The following TOP1MT variants were observed in gnomAD, a reference collection of about 807,000 sequenced individuals.
The protein encoded by TOP1MT is DNA topoisomerase I, mitochondrial.
Under a neutral mutation model 73.9 loss-of-function variants are expected in TOP1MT, and 80 were observed. That is an observed-to-expected ratio of 1.08 (90% confidence interval 0.90 to 1.30). TOP1MT has a LOEUF of 1.30. Ranked by LOEUF, TOP1MT falls within the 50% of genes most tolerant of loss-of-function variation. TOP1MT has a pLI of 0.00. For missense variants in TOP1MT, 815 were observed against 808.0 expected, an observed-to-expected ratio of 1.01 and a Z score of -0.10; for synonymous variants, 338 against 326.4, an observed-to-expected ratio of 1.04 and a Z score of -0.38.
In TOP1MT at chr8:143,341,265, C is replaced by T. The variant is rs1586779421; in HGVS notation, c.29+1955G>A. On this transcript the variant is annotated intron_variant, in intron 2 of 5. Coordinates refer to the TOP1MT transcript ENST00000518007. The surrounding 1 kb of genome is among the most constrained non-coding windows in gnomAD (Gnocchi z 4.1). ...CCTCTCTTCCACACAGCCCTTGCCC[C>T]GGCCAGTGTCTGTGAGCTCACAGTC... is the stretch of plus-strand genomic sequence containing the variant. Among the ~76,000 whole-genome samples, 2 of 152,158 alleles carry T rather than the reference C, an allele frequency of 1.3e-5. No homozygotes were observed. The highest frequency in any genetic ancestry group is 2.4e-5 in the African/African-American group (1 of 41,430).
intron 1 of TOP1MT, chr8:143,334,173 C>T (rs1816930090): frequency 6.6e-6 from 1 of 152,378 alleles, no homozygotes; most frequent in Admixed American, 6.5e-5. Flanking sequence ...GACCCATCCC[C>T]ATGCGGCTAC....
At chr8:143,313,344 A>C (rs1023494822) in intron 12 of TOP1MT, among the ~76,000 whole-genome samples, 1 of 151,984 alleles carries the variant, frequency 6.6e-6, no homozygotes, top group Admixed American at 6.6e-5. Context: ...CGAGGTCAGG[A>C]GTTCAAGACC....
intron 1 of TOP1MT, among the ~76,000 whole-genome samples, chr8:143,332,059 G>C (rs369761529): frequency 2.6e-5 from 4 of 151,894 alleles, no homozygotes; most frequent in Non-Finnish European, 5.9e-5. Flanking sequence ...CTGGAGATTG[G>C]GGGGGTGTTG....
At chr8:143,359,309 G>A (rs1817463910), upstream of TOP1MT, 1 of 985,284 alleles carries the variant, frequency 1.0e-6, no homozygotes, top group Non-Finnish European at 1.2e-6. Context: ...CCAGGAGAAG[G>A]GAGGCAGGTC....
At chr8:143,322,057 G>T (rs1451987877) in intron 7 of TOP1MT, among the ~76,000 whole-genome samples, 3 of 52,610 alleles carry the variant, frequency 5.7e-5, no homozygotes, top group African/African-American at 6.8e-5. Flanking sequence ...CACACACACA[G>T]GCACGCCACA....
chr8:143,323,958 A>C (rs1563761857), intron 7 of TOP1MT, 41 bp downstream of exon 7: 2 of 1,606,128 alleles, frequency 1.2e-6, no homozygotes, highest in African/African-American at 1.3e-5. Flanking sequence ...CGCCAGGAGA[A>C]CCAGGATGAA....
chr8:143,335,812 C>A (rs1013125463), upstream of TOP1MT, among the ~76,000 whole-genome samples: 14 of 152,256 alleles, frequency 9.2e-5, no homozygotes, highest in Non-Finnish European at 7.3e-5. Flanking sequence ...ACGCCCTCAG[C>A]GACCCTCCCC....
intron 7 of TOP1MT, among the ~76,000 whole-genome samples, chr8:143,323,221 ACGC>A (rs1816575390): frequency 1.7e-5 from 2 of 118,210 alleles, no homozygotes; most frequent in African/African-American, 6.8e-5. Flanking sequence ...CCACACAGGC[ACGC>A]CACACACAGG....
intron 10 of TOP1MT, 106 bp from the exon 11 acceptor site, chr8:143,316,232 C>A (rs1816160038): frequency 2.0e-6 from 3 of 1,535,646 alleles, no homozygotes; most frequent in Non-Finnish European, 2.7e-6. Flanking sequence ...CTTCCACTCA[C>A]ACAGGCACCC....
chr8:143,337,804 C>T (rs1054208538), upstream of TOP1MT, among the ~76,000 whole-genome samples: 2 of 152,192 alleles, frequency 1.3e-5, no homozygotes, highest in South Asian at 2.1e-4. Context: ...AACAGCCCGG[C>T]GCCACACCCC....
At chr8:143,334,598 G>A in intron 1 of TOP1MT, 142 bp downstream of exon 1, 1 of 1,210,278 alleles carries the variant, frequency 8.3e-7, no homozygotes, top group East Asian at 3.0e-5. Context: ...GTCACACCGC[G>A]GCACGCATGC....
chr8:143,336,539 A>C (rs568600558), upstream of TOP1MT, among the ~76,000 whole-genome samples: 3 of 152,198 alleles, frequency 2.0e-5, no homozygotes, highest in African/African-American at 7.2e-5. Flanking sequence ...GAGGATGTCC[A>C]CTCTCACCAC....
In TOP1MT at chr8:143,321,614, G is replaced by A. The variant is rs1453365091; in HGVS notation, c.961-228C>T. 5.6e-4 allele frequency among the ~76,000 whole-genome samples: 25 copies of A among 44,430 alleles called. 1 individual carries two copies. Among genetic ancestry groups the A allele is most frequent in the Non-Finnish European group, 8.3e-4 (22 of 26,460 alleles). 29.1% of individuals were successfully genotyped at this position (44,430 alleles called of 152,430 possible). A position where few individuals can be genotyped will look rare whatever the true frequency, so the allele number is the denominator to read the frequency against. ...ACGCACGCACGCCACACGCACGCACGCCACACGCACGCCACACACAGGCAC... is the reference window on the plus strand; with the variant it reads ...ACGCACGCACGCCACACGCACGCACACCACACGCACGCCACACACAGGCAC... On this transcript the variant is annotated intron_variant, in intron 7 of 13. Transcript: ENST00000329245.
rs1437913282 is a variant in TOP1MT, at chr8:143,316,128, TGA to T, written c.1331-4_1331-3del. 1 of 1,613,950 alleles carries T rather than the reference TGA, an allele frequency of 6.2e-7. No homozygotes were observed. The highest frequency in any genetic ancestry group is 1.3e-5 in the African/African-American group (1 of 74,934). The stretch of plus-strand genomic sequence containing the variant: ...TCTTAGCTGCTATGCTGTCCTCGGC[TGA>T]GAGGCACGGGCTGTCAGAGGCAGCA... On this transcript the variant is annotated splice_region_variant and splice_polypyrimidine_tract_variant and intron_variant, in intron 10 of 13. Coordinates refer to ENST00000329245, the MANE Select transcript of TOP1MT (RefSeq NM_052963.3).
chr8:143,342,461 C>T lies in TOP1MT; in HGVS notation c.29+759G>A, dbSNP rs543854734. Among the ~76,000 whole-genome samples the T allele has an allele frequency of 1.1e-3, 143 of 127,150 alleles. 1 individual carries two copies. Among genetic ancestry groups the T allele is most frequent in the Middle Eastern group, 5.6e-3 (1 of 180 alleles). The allele number at this position is 127,150 out of a possible 152,430, so 83.4% of individuals were successfully genotyped here. On this transcript the variant is annotated intron_variant, in intron 2 of 5. Coordinates refer to the TOP1MT transcript ENST00000518007. ...ATTATTATTATTAGAGACAGAGTCT[C>T]GCTCTGTTATTATTATTATTATTAG...
rs1456877673 is a variant in TOP1MT, at chr8:143,312,676, T to C, written c.1554-2459A>G. Among the ~76,000 whole-genome samples, 3 of 152,218 alleles carry C rather than the reference T, an allele frequency of 2.0e-5. No individual in the cohort carries two copies. The East Asian group carries it at 5.8e-4, about 29-fold the overall frequency. ...GGAACAAGGCAAGGCTGCCCACTCA[T>C]GTCCAGTGTACTGGAGATTCCTGCC... On this transcript the variant is annotated intron_variant, in intron 12 of 13. Transcript: ENST00000329245.
intron 1 of TOP1MT, chr8:143,334,388 T>C (rs552855978): frequency 1.4e-5 from 3 of 211,292 alleles, no homozygotes; most frequent in East Asian, 1.3e-4. Context: ...CAGAAGACCA[T>C]GCACAGCAAC....
At position 143,315,820 on chromosome 8, in the gene TOP1MT, A is replaced by T; in HGVS notation, c.1460T>A (p.Ile487Asn). Reference protein sequence around the residue: ...EKSMQNLQTKIQAKKEQVAEA... With the variant: ...EKSMQNLQTKNQAKKEQVAEA... ...AGCCACCTGCTCCTTCTTTGCCTGG[A>T]TCTGCAGGAAAAGGGTCCAGACAGG... The change falls in exon 12 of 14, where the codon ATC (isoleucine) becomes AAC (asparagine). Residue 487 changes from isoleucine (I) to asparagine (N), a missense_variant and splice_region_variant. Ile to Asn is a moderately radical substitution (Grantham distance 149). Around this residue, in one of 3 missense-constraint regions of TOP1MT, gnomAD observed 751 missense variants for 725.4 expected, o/e 1.04. Transcript: ENST00000329245. 6.2e-7 allele frequency: 1 copy of T among 1,613,276 alleles called. No individual in the cohort carries two copies. Among genetic ancestry groups the T allele is most frequent in the Non-Finnish European group, 8.5e-7 (1 of 1,179,984 alleles).
chr8:143,314,895 A>G (rs57383258), intron 12 of TOP1MT, among the ~76,000 whole-genome samples: 11,942 of 152,312 alleles, frequency 0.078, 558 homozygotes, highest in Non-Finnish European at 0.11. Flanking sequence ...AAACCAGGCC[A>G]TACAGAGATA....
Sources: gnomAD v4.1 joint callset for allele counts (sites outside exome capture counted in the v4.1 genomes callset) on GRCh38, gnomAD v4.1.1 for gene constraint, gnomAD v4.1.1 regional missense constraint, Gnocchi (gnomAD v3.1) non-coding constraint, MANE v1.5 for transcripts, NCBI Gene and HGNC (gene_info 2026-07-23, HGNC 2026-07-21) for gene names.